AGAP3: variants seen among roughly 807,000 people sequenced by gnomAD.
AGAP3 encodes the protein ArfGAP with GTPase domain, ankyrin repeat and PH domain 3.
In AGAP3, 24 loss-of-function variants were observed where a neutral mutation model predicts 96.9. The observed-to-expected ratio is 0.25, with a 90% CI of 0.18 to 0.35. AGAP3 has a LOEUF of 0.35. Ranked by LOEUF, AGAP3 falls within the 10% of genes least tolerant of loss-of-function variation. AGAP3 has a pLI of 1.00. For synonymous variants in AGAP3, 563 were observed against 536.1 expected, an observed-to-expected ratio of 1.05 and a Z score of -0.69; for missense variants, 876 against 1,254.2, an observed-to-expected ratio of 0.70 and a Z score of 4.55.
chr7:151,095,388 T>C (rs1309567474), intron 1 of AGAP3, among the ~76,000 whole-genome samples: 1 of 152,182 alleles, frequency 6.6e-6, no homozygotes, highest in Non-Finnish European at 1.5e-5. Context: ...GCCTGTTCCT[T>C]TTCTGCCAGA....
intron 1 of AGAP3, chr7:151,115,336 G>A (rs990804377): frequency 3.8e-5 from 39 of 1,017,220 alleles, no homozygotes; most frequent in Non-Finnish European, 4.3e-5. Flanking sequence ...CTCAGGAAGA[G>A]CTTCAGCTTC....
In AGAP3 at chr7:151,114,575, T is replaced by C. The variant is rs971765850; in HGVS notation, c.332-2218T>C. 11 of 394,294 alleles carry C rather than the reference T, an allele frequency of 2.8e-5. No individual in the cohort carries two copies. The highest frequency in any genetic ancestry group is 2.4e-4 in the African/African-American group (11 of 45,572). 24.4% of individuals were successfully genotyped at this position (394,294 alleles called of 1,614,324 possible). A position where few individuals can be genotyped will look rare whatever the true frequency, so the allele number is the denominator to read the frequency against. On this transcript the variant is annotated intron_variant, in intron 1 of 17. Coordinates refer to ENST00000397238, the MANE Select transcript of AGAP3 (RefSeq NM_031946.7). The surrounding 1 kb of genome is among the most constrained non-coding windows in gnomAD (Gnocchi z 4.4). ...CGTTCCAGGCCAGACTTGCCGCCTC[T>C]CTCTCCGGGCTGGGCTGACTCCCGG...
At chr7:151,115,436 C>G (rs1175905126) in intron 1 of AGAP3, 1 of 1,010,344 alleles carries the variant, frequency 9.9e-7, no homozygotes, top group African/African-American at 1.7e-5. Flanking sequence ...ACGGCGACGC[C>G]GGCTCCCTAG....
chr7:151,116,402 C>A, intron 1 of AGAP3: 1 of 212,832 alleles, frequency 4.7e-6, no homozygotes, highest in Non-Finnish European at 9.3e-6. Context: ...AGGTGCCCAG[C>A]CCTTGGGTCT....
In AGAP3 at chr7:151,104,150, A is replaced by G. The variant is rs78494444; in HGVS notation, c.332-12643A>G. Among the ~76,000 whole-genome samples, 128 of 152,328 alleles carry G rather than the reference A, an allele frequency of 8.4e-4. 1 individual carries two copies. The highest frequency in any genetic ancestry group is 2.9e-3 in the African/African-American group (120 of 41,560). ...TCACCTGATGGTTTTAGCGTCCATC[A>G]ATGATCTTTGCCTGAGTTGGTGATA... On this transcript the variant is annotated intron_variant, in intron 1 of 17. Coordinates refer to ENST00000397238, the MANE Select transcript of AGAP3 (RefSeq NM_031946.7).
At chr7:151,092,454 G>A (rs1353861708) in intron 1 of AGAP3, among the ~76,000 whole-genome samples, 2 of 152,206 alleles carry the variant, frequency 1.3e-5, no homozygotes, top group African/African-American at 4.8e-5. Context: ...AACCATTGCA[G>A]GCCAAGTGGT....
chr7:151,115,358 C>T, intron 1 of AGAP3: 17 of 1,023,220 alleles, frequency 1.7e-5, no homozygotes, highest in Middle Eastern at 4.8e-4. Flanking sequence ...GCCTGCGCCG[C>T]GGCCAGGAGG....
chr7:151,128,721 GGGAGGGGGT>G, intron 10 of AGAP3, 37 bp downstream of exon 10: 1 of 1,565,000 alleles, frequency 6.4e-7, no homozygotes, highest in Non-Finnish European at 8.8e-7. Context: ...GGGGAGTATG[GGGAGGGGGT>G]GGAGGGAGGA....
Position 151,141,959 on chromosome 7 carries a change from G to A in AGAP3, c.1866G>A (p.Glu622=). Residue 622 remains glutamate, a synonymous_variant, in exon 14 of 18, where the codon GAG becomes GAA. Transcript: ENST00000397238. The surrounding 1 kb of genome is among the most constrained non-coding windows in gnomAD (Gnocchi z 4.2). ...TCACTGGGCAGACGTGGCACTTCGAGGCTTCAACGGCGGAGGAGCGGGAGC... is the reference window on the plus strand; with the variant it reads ...TCACTGGGCAGACGTGGCACTTCGAAGCTTCAACGGCGGAGGAGCGGGAGC... The part of the protein sequence containing the change: ...VSLTGQTWHF[E]ASTAEERELW... The A allele has an allele frequency of 1.2e-6, 2 of 1,614,212 alleles. No homozygotes were observed. Among genetic ancestry groups the A allele is most frequent in the Non-Finnish European group, 1.7e-6 (2 of 1,180,038 alleles).
chr7:151,099,375 C>T (rs1467157722), intron 1 of AGAP3, among the ~76,000 whole-genome samples: 1 of 151,798 alleles, frequency 6.6e-6, no homozygotes, highest in Middle Eastern at 3.2e-3. Flanking sequence ...ATAATGTGCC[C>T]TTCTCAGTCA....
intron 8 of AGAP3, among the ~76,000 whole-genome samples, chr7:151,121,807 C>T (rs913758730): frequency 3.9e-5 from 6 of 152,188 alleles, no homozygotes; most frequent in Admixed American, 1.3e-4. Flanking sequence ...AAGACGCGTC[C>T]GTCTCTGTGG....
At chr7:151,137,552 C>T (rs1800649523) in intron 11 of AGAP3, among the ~76,000 whole-genome samples, 1 of 152,232 alleles carries the variant, frequency 6.6e-6, no homozygotes, top group Non-Finnish European at 1.5e-5. Context: ...TGTCCTCCCT[C>T]CACTGCCGGC....
intron 1 of AGAP3, among the ~76,000 whole-genome samples, chr7:151,090,743 A>G (rs6970773): frequency 0.8 from 122,014 of 152,054 alleles, 49,243 homozygotes; most frequent in East Asian, 0.98. Flanking sequence ...GGAGATCGAG[A>G]CCATCCTGGT....
chr7:151,116,779 T>C lies in AGAP3; in HGVS notation c.332-14T>C, dbSNP rs1192242375. The C allele has an allele frequency of 6.2e-7, 1 of 1,613,886 alleles. No homozygotes were observed. On this transcript the variant is annotated splice_polypyrimidine_tract_variant and intron_variant, in intron 1 of 17. Transcript: ENST00000397238. ...GCCACCCTGGCCCTGACGGGGCGGC[T>C]CTGTCTTCCGCAGACTCGTTTGTGA...
rs748237318 is a variant in AGAP3, at chr7:151,141,905, G to C, written c.1812G>C (p.Glu604Asp). ...TAAACACCCCCCCAACAGAGGCAGAGGAGTCGTTTGAATTTGTGGTGGTGT... is the reference window on the plus strand; with the variant it reads ...TAAACACCCCCCCAACAGAGGCAGACGAGTCGTTTGAATTTGTGGTGGTGT... The part of the protein sequence containing the change: ...DGPSSATEEA[E>D]ESFEFVVVSL... The change falls in exon 14 of 18, where the codon GAG (glutamate) becomes GAC (aspartate). Residue 604 changes from glutamate to aspartate, a missense_variant. Physicochemically the swap from Glu to Asp is conservative, Grantham distance 45 (BLOSUM62 2). Transcript: ENST00000397238. This position sits in a 1 kb window ranked among gnomAD's most constrained non-coding sequence, Gnocchi z 4.2. The C allele has an allele frequency of 3.7e-6, 6 of 1,614,170 alleles. No homozygotes were observed. The South Asian group carries it at 6.6e-5, about 18-fold the overall frequency.
In AGAP3 at chr7:151,123,780, G is replaced by GT; in HGVS notation, c.1129-10dup. 1 of 1,613,036 alleles carries GT rather than the reference G, an allele frequency of 6.2e-7. No homozygotes were observed. The highest frequency in any genetic ancestry group is 1.3e-5 in the African/African-American group (1 of 75,052). On this transcript the variant is annotated splice_polypyrimidine_tract_variant and intron_variant, in intron 8 of 17. Coordinates refer to ENST00000397238, the MANE Select transcript of AGAP3 (RefSeq NM_031946.7). ...CCTGGGCCTCTTTAACACGCCTCTT[G>GT]TTTTCTCTTCCAGTCTCGGAAGGGT...
At chr7:151,098,729 TTTTC>T (rs1798710435) in intron 1 of AGAP3, among the ~76,000 whole-genome samples, 1 of 137,386 alleles carries the variant, frequency 7.3e-6, no homozygotes, top group African/African-American at 2.8e-5. Flanking sequence ...TTCAATTTTC[TTTTC>T]TTTTTTTTTT....
At chr7:151,128,889 G>A (rs958388131) in intron 10 of AGAP3, among the ~76,000 whole-genome samples, 79 of 152,322 alleles carry the variant, frequency 5.2e-4, no homozygotes, top group African/African-American at 1.8e-3. Flanking sequence ...CCCTCTGGGC[G>A]GTCAAGCTGT....
At chr7:151,115,033 G>A in intron 1 of AGAP3, 5 of 995,376 alleles carry the variant, frequency 5.0e-6, no homozygotes, top group Non-Finnish European at 6.0e-6. Context: ...GGCCGCCGGG[G>A]CCTGGCGCCC....
Sources: gnomAD v4.1 joint callset for allele counts (sites outside exome capture counted in the v4.1 genomes callset) on GRCh38, gnomAD v4.1.1 for gene constraint, Gnocchi (gnomAD v3.1) non-coding constraint, MANE v1.5 for transcripts, NCBI Gene and HGNC (gene_info 2026-07-23, HGNC 2026-07-21) for gene names.